Variants in BORCS8 observed in about 807,000 individuals in gnomAD.
The protein encoded by BORCS8 is BLOC-1-related complex subunit 8.
BORCS8 carries 13 observed loss-of-function variants against 18.7 expected under a neutral mutation model. The ratio of observed to expected loss-of-function variants is 0.70; its 90% CI spans 0.45 to 1.11. The LOEUF (loss-of-function observed/expected upper bound fraction) is 1.11, where lower values mean the gene tolerates loss of function less well. Among genes scored for constraint, BORCS8 ranks in the 50% least tolerant of loss-of-function variants. The probability of loss-of-function intolerance (pLI) is 0.00; values close to 1 mark genes in which losing one functional copy is unlikely to be tolerated. For missense variants in BORCS8, 165 were observed against 165.7 expected (o/e 1.00, Z 0.02); for synonymous variants, 68 against 64.8 (o/e 1.05, Z -0.24).
intron 5 of BORCS8, 44 bp downstream of exon 5, chr19:19,180,642 G>A: frequency 7.3e-7 from 1 of 1,374,208 alleles, no homozygotes; most frequent in Non-Finnish European, 1.0e-6. Context: ...GGGTTGGTTA[G>A]TTCAGAGCAG....
intron 3 of BORCS8, 95 bp downstream of exon 3, chr19:19,185,939 G>A: frequency 7.8e-7 from 1 of 1,280,302 alleles, no homozygotes; most frequent in Non-Finnish European, 1.1e-6. Flanking sequence ...CTGGCAGGGT[G>A]GGGCTTACTG....
intron 3 of BORCS8, among the ~76,000 whole-genome samples, chr19:19,184,286 T>C (rs1249185115): frequency 2.7e-5 from 4 of 147,944 alleles, no homozygotes; most frequent in Admixed American, 1.4e-4. Flanking sequence ...GGTTTTTTGT[T>C]GGTTTTTTTT....
chr19:19,183,453 G>A (rs544290815), intron 3 of BORCS8, among the ~76,000 whole-genome samples: 16 of 151,910 alleles, frequency 1.1e-4, no homozygotes, highest in African/African-American at 3.9e-4. Context: ...ACAAATGTTC[G>A]CTGGCCTCCC....
chr19:19,185,958 G>A (rs2146423435), intron 3 of BORCS8, 76 bp downstream of exon 3: 1 of 1,445,008 alleles, frequency 6.9e-7, no homozygotes, highest in South Asian at 1.2e-5. Flanking sequence ...TGGGCAGTTG[G>A]CTGGGATGCC....
intron 1 of BORCS8, 70 bp downstream of exon 1, chr19:19,192,011 C>A: frequency 6.5e-7 from 1 of 1,535,114 alleles, no homozygotes; most frequent in Non-Finnish European, 8.8e-7. Context: ...TCCCTCCGCG[C>A]CCGGCCTTTG....
intron 5 of BORCS8, chr19:19,179,733 G>T (rs1033486432): frequency 6.5e-6 from 1 of 152,808 alleles, no homozygotes; most frequent in Non-Finnish European, 1.5e-5. Flanking sequence ...CTCTAAGCGT[G>T]GTCAGCCACA....
intron 3 of BORCS8, among the ~76,000 whole-genome samples, chr19:19,184,962 T>C (rs2060391748): frequency 6.6e-6 from 1 of 151,202 alleles, no homozygotes; most frequent in Non-Finnish European, 1.5e-5. Flanking sequence ...CTGAACTCCT[T>C]TCAAGGCATC....
chr19:19,184,247 C>T (rs1047801389), intron 3 of BORCS8, among the ~76,000 whole-genome samples: 12 of 151,152 alleles, frequency 7.9e-5, no homozygotes, highest in Admixed American at 2.6e-4. Flanking sequence ...GATTAGATGG[C>T]ACAGCTAGAG....
intron 4 of BORCS8, chr19:19,181,752 G>A (rs908492075): frequency 9.2e-5 from 49 of 535,388 alleles, no homozygotes; most frequent in Non-Finnish European, 1.1e-4. Flanking sequence ...TGCAATTTTC[G>A]CGTCTTAGTT....
At position 19,185,160 on chromosome 19, in the gene BORCS8, C is replaced by T. The variant is rs1311921596; in HGVS notation, c.215+874G>A. ...CTGCCCCAGCAGCAGGATTTCTTGT[C>T]TAGGCACCTTCGCCCACACAACCAA... On this transcript the variant is annotated intron_variant, in intron 3 of 5. Coordinates refer to ENST00000462790, the MANE Select transcript of BORCS8 (RefSeq NM_001145784.2). 2.0e-5 allele frequency among the ~76,000 whole-genome samples: 3 copies of T among 152,260 alleles called. No homozygotes were observed. In the South Asian group the frequency reaches 6.2e-4, roughly 31 times the overall value.
intron 4 of BORCS8, chr19:19,181,835 A>G: frequency 1.0e-6 from 1 of 983,522 alleles, no homozygotes; most frequent in Non-Finnish European, 1.2e-6. Flanking sequence ...TGTGGGAGCC[A>G]GACGCATCCC....
chr19:19,186,805 G>C (rs1201504558), intron 2 of BORCS8, 88 bp downstream of exon 2: 2 of 924,392 alleles, frequency 2.2e-6, no homozygotes, highest in Non-Finnish European at 3.2e-6. Context: ...CTCTGACCTG[G>C]CTTTGCCACC....
chr19:19,188,513 G>GC lies in BORCS8; in HGVS notation c.38-1509dup, dbSNP rs1331667231. ...AAACCCACCGGTAGTGGACACTGCTGCCTACTGCACTTCCCGGCATTCTTT... is the reference window on the plus strand; with the variant it reads ...AAACCCACCGGTAGTGGACACTGCTGCCCTACTGCACTTCCCGGCATTCTTT... On this transcript the variant is annotated intron_variant, in intron 1 of 5. Coordinates refer to ENST00000462790, the MANE Select transcript of BORCS8 (RefSeq NM_001145784.2). Among the ~76,000 whole-genome samples, 14 of 152,246 alleles carry GC rather than the reference G, an allele frequency of 9.2e-5. No homozygotes were observed. The East Asian group carries it at 2.1e-3, about 23-fold the overall frequency.
chr19:19,179,731 G>C (rs1488098526), intron 5 of BORCS8: 1 of 152,800 alleles, frequency 6.5e-6, no homozygotes, highest in African/African-American at 2.4e-5. Context: ...CTCTCTAAGC[G>C]TGGTCAGCCA....
chr19:19,185,927 G>A, intron 3 of BORCS8, 107 bp downstream of exon 3: 2 of 1,155,414 alleles, frequency 1.7e-6, no homozygotes, highest in Non-Finnish European at 2.5e-6. Context: ...ACTCGGGTAG[G>A]CCTGGCAGGG....
chr19:19,191,754 A>AT lies in BORCS8; in HGVS notation c.37+326dup, dbSNP rs545972461. ...GCCACCACGCCCGGCTAATTTTTGT[A>AT]TTTTTTTAGAGACGAGATCTCACTA... On this transcript the variant is annotated intron_variant, in intron 1 of 5. Coordinates refer to ENST00000462790, the MANE Select transcript of BORCS8 (RefSeq NM_001145784.2). Among the ~76,000 whole-genome samples, 33 of 151,644 alleles carry AT rather than the reference A, an allele frequency of 2.2e-4. 1 individual carries two copies. In the East Asian group the frequency reaches 6.0e-3, roughly 28 times the overall value.
rs2060358892 is a variant in BORCS8 at position 19,182,527 on chromosome 19, C to T, written c.326+46G>A. ...TTCCCAGCGCAGCTGAGAGACGGTC[C>T]TTGCAGCTGGGAGTGGCAGTGGGGG... On this transcript the variant is annotated intron_variant, in intron 4 of 5. Transcript: ENST00000462790. The surrounding 1 kb of genome is among the most constrained non-coding windows in gnomAD (Gnocchi z 4.1). 1 of 1,537,334 alleles carries T rather than the reference C, an allele frequency of 6.5e-7. No individual in the cohort carries two copies. The highest frequency in any genetic ancestry group is 1.2e-5 in the South Asian group (1 of 83,570).
rs2060340557 is a variant in BORCS8, at chr19:19,180,766, A to C, written c.327-5T>G. On this transcript the variant is annotated splice_polypyrimidine_tract_variant and splice_region_variant and intron_variant, in intron 4 of 5. Coordinates refer to ENST00000462790, the MANE Select transcript of BORCS8 (RefSeq NM_001145784.2). ...GGCGGGGGTGGTTCCTCCGGGCTGCAACAAAACATGTGCAGCATCCATGAG... is the reference window on the plus strand; with the variant it reads ...GGCGGGGGTGGTTCCTCCGGGCTGCCACAAAACATGTGCAGCATCCATGAG... 6.5e-7 allele frequency: 1 copy of C among 1,547,054 alleles called. No individual in the cohort carries two copies. The highest frequency in any genetic ancestry group is 8.7e-7 in the Non-Finnish European group (1 of 1,144,916).
rs114005449 is a variant in BORCS8 at position 19,182,261 on chromosome 19, C to A, written c.326+312G>T. 5 of 500,438 alleles carry A rather than the reference C, an allele frequency of 1.0e-5. No homozygotes were observed. In the South Asian group the frequency reaches 1.3e-4, roughly 13 times the overall value. The allele number at this position is 500,438 out of a possible 1,614,324, so 31.0% of individuals were successfully genotyped here. ...AGGGGCCCCGCAGTGTTCTTCACAG[C>A]GCATCTGACATGCTCTTGTCTGCCA... On this transcript the variant is annotated intron_variant, in intron 4 of 5. Coordinates refer to ENST00000462790, the MANE Select transcript of BORCS8 (RefSeq NM_001145784.2). This position sits in a 1 kb window ranked among gnomAD's most constrained non-coding sequence, Gnocchi z 4.1.
Sources: gnomAD v4.1 joint callset for allele counts (sites outside exome capture counted in the v4.1 genomes callset) on GRCh38, gnomAD v4.1.1 for gene constraint, Gnocchi (gnomAD v3.1) non-coding constraint, MANE v1.5 for transcripts, NCBI Gene and HGNC (gene_info 2026-07-23, HGNC 2026-07-21) for gene names.